The following KHDRBS2 variants were observed in gnomAD, a reference collection of about 807,000 sequenced individuals.
KHDRBS2 encodes the protein KH RNA binding domain containing, signal transduction associated 2, also known as KH domain-containing, RNA-binding, signal transduction-associated protein 2.
A neutral mutation model predicts 44.3 loss-of-function variants in KHDRBS2; 26 were observed. The ratio of observed to expected loss-of-function variants is 0.59; its 90% confidence interval spans 0.43 to 0.81. The LOEUF is 0.81. Among genes scored for constraint, KHDRBS2 ranks in the 40% least tolerant of loss-of-function variants. KHDRBS2 has a pLI of 0.00. For missense variants in KHDRBS2, 476 were observed against 433.1 expected, an observed-to-expected ratio of 1.10 and a Z score of -0.88; for synonymous variants, 194 against 151.1, an observed-to-expected ratio of 1.28 and a Z score of -2.08.
At chr6:62,263,851 T>C (rs1433354097) in intron 1 of KHDRBS2, among the ~76,000 whole-genome samples, 1 of 151,752 alleles carries the variant, frequency 6.6e-6, no homozygotes, top group Non-Finnish European at 1.5e-5. Flanking sequence ...TGCACCTAAA[T>C]GAATAGCATA....
At chr6:62,257,248 T>G (rs1307984268) in intron 1 of KHDRBS2, among the ~76,000 whole-genome samples, 3 of 152,034 alleles carry the variant, frequency 2.0e-5, no homozygotes, top group Non-Finnish European at 4.4e-5. Context: ...TGTTATGATT[T>G]TTGTTGTCAT....
the KHDRBS2 span, among the ~76,000 whole-genome samples, chr6:61,569,970 A>G: frequency 6.6e-6 from 1 of 152,168 alleles, no homozygotes; most frequent in Admixed American, 6.5e-5. Flanking sequence ...GTCTACCCAA[A>G]TGATAAGGAA....
At chr6:62,098,341 A>G (rs1801117535) in intron 2 of KHDRBS2, among the ~76,000 whole-genome samples, 1 of 149,666 alleles carries the variant, frequency 6.7e-6, no homozygotes, top group Non-Finnish European at 1.5e-5. Flanking sequence ...GTGGTGATAT[A>G]CTCTCTGAGC....
chr6:61,701,047 G>T (rs1768570164), intron 7 of KHDRBS2, among the ~76,000 whole-genome samples: 1 of 151,880 alleles, frequency 6.6e-6, no homozygotes, highest in Admixed American at 6.6e-5. Flanking sequence ...CTTAGTGGGA[G>T]GGTGGTGGGT....
chr6:61,832,595 A>T (rs1467382367), intron 6 of KHDRBS2, among the ~76,000 whole-genome samples: 2 of 152,200 alleles, frequency 1.3e-5, no homozygotes, highest in African/African-American at 4.8e-5. Context: ...GAGAAAAAAA[A>T]AAACTATCTG....
intron 1 of KHDRBS2, among the ~76,000 whole-genome samples, chr6:62,198,638 G>A (rs555628454): frequency 6.6e-6 from 1 of 152,228 alleles, no homozygotes; most frequent in South Asian, 2.1e-4. Flanking sequence ...TGGATTCACA[G>A]CCGAATTTTA....
chr6:62,169,171 G>GTGTGTATATATACATA (rs1562991954), intron 2 of KHDRBS2, among the ~76,000 whole-genome samples: 12 of 134,474 alleles, frequency 8.9e-5, no homozygotes, highest in African/African-American at 3.1e-4. Flanking sequence ...ACACATATAT[G>GTGTGTATATATACATA]TATATATGTA....
At chr6:61,788,237 C>A (rs570807278) in intron 6 of KHDRBS2, among the ~76,000 whole-genome samples, 3 of 151,482 alleles carry the variant, frequency 2.0e-5, no homozygotes, top group African/African-American at 4.8e-5. Context: ...TAGACTTTGG[C>A]CTATTTCCAT....
At chr6:61,813,504 T>C (rs1788439130) in intron 6 of KHDRBS2, among the ~76,000 whole-genome samples, 1 of 152,124 alleles carries the variant, frequency 6.6e-6, no homozygotes, top group Non-Finnish European at 1.5e-5. Flanking sequence ...GGAGTTACTA[T>C]TGTCTGTGGT....
chr6:62,066,632 A>T (rs1793793749), intron 2 of KHDRBS2, among the ~76,000 whole-genome samples: 1 of 151,704 alleles, frequency 6.6e-6, no homozygotes, highest in African/African-American at 2.4e-5. Context: ...ATATAATTTC[A>T]TGAAATAAAT....
intron 2 of KHDRBS2, among the ~76,000 whole-genome samples, chr6:62,057,026 C>T (rs576142499): frequency 5.3e-5 from 8 of 151,922 alleles, no homozygotes; most frequent in South Asian, 2.1e-4. Flanking sequence ...AAATAGAACA[C>T]GAAGAGCCAG....
chr6:61,796,331 T>C (rs557161261), intron 6 of KHDRBS2, among the ~76,000 whole-genome samples: 24 of 152,100 alleles, frequency 1.6e-4, no homozygotes, highest in African/African-American at 4.8e-4. Context: ...AATGATTATG[T>C]AATTAGCATA....
intron 1 of KHDRBS2, among the ~76,000 whole-genome samples, chr6:62,203,248 T>C (rs1373637146): frequency 6.6e-6 from 1 of 152,082 alleles, no homozygotes; most frequent in Admixed American, 6.6e-5. Context: ...GAAGTTAACA[T>C]GAGCATATTT....
At chr6:61,629,492 T>C in the KHDRBS2 span, among the ~76,000 whole-genome samples, 2 of 152,296 alleles carry the variant, frequency 1.3e-5, no homozygotes, top group South Asian at 4.1e-4. Context: ...TCAAAAAAGA[T>C]ACACGATTCA....
intron 6 of KHDRBS2, chr6:61,813,862 G>A (rs1788495600): frequency 2.2e-6 from 1 of 453,706 alleles, no homozygotes; most frequent in Non-Finnish European, 4.4e-6. Context: ...GTGCATAGAA[G>A]TAGTAGTATG....
chr6:62,032,065 G>A (rs1330544096), intron 3 of KHDRBS2, among the ~76,000 whole-genome samples: 1 of 152,092 alleles, frequency 6.6e-6, no homozygotes, highest in Non-Finnish European at 1.5e-5. Context: ...TTGGGAGAAA[G>A]TAAAGGAAGA....
chr6:62,076,406 G>A (rs947486705), intron 2 of KHDRBS2, among the ~76,000 whole-genome samples: 4 of 152,040 alleles, frequency 2.6e-5, no homozygotes, highest in African/African-American at 7.2e-5. Flanking sequence ...TGAAGAGATT[G>A]TGATGTTGGG....
At chr6:61,607,853 A>G in the KHDRBS2 span, among the ~76,000 whole-genome samples, 2 of 151,852 alleles carry the variant, frequency 1.3e-5, no homozygotes, top group African/African-American at 4.8e-5. Flanking sequence ...ACGCCTGGCT[A>G]TTTTTTGTAT....
chr6:61,703,388 A>C (rs17239863), intron 7 of KHDRBS2, among the ~76,000 whole-genome samples: 27,780 of 151,784 alleles, frequency 0.18, 2,666 homozygotes, highest in Non-Finnish European at 0.2. Context: ...AACTTATGTT[A>C]AAAATATTAT....
Sources: gnomAD v4.1 joint callset for allele counts (sites outside exome capture counted in the v4.1 genomes callset) on GRCh38, gnomAD v4.1.1 for gene constraint, MANE v1.5 for transcripts, NCBI Gene and HGNC (gene_info 2026-07-23, HGNC 2026-07-21) for gene names.